The following LCT variants were observed in gnomAD, a reference collection of about 807,000 sequenced individuals.
LCT encodes lactase/phlorizin hydrolase.
A neutral mutation model predicts 173.0 loss-of-function variants in LCT; 90 were observed. That is an observed-to-expected ratio of 0.52 (90% CI 0.44 to 0.62). LCT has a LOEUF of 0.62. Among genes scored for constraint, LCT ranks in the 20% least tolerant of loss-of-function variants. LCT has a pLI of 0.00. For missense variants in LCT, 1,864 were observed against 2,431.4 expected, an observed-to-expected ratio of 0.77 and a Z score of 4.91; for synonymous variants, 853 against 957.6, an observed-to-expected ratio of 0.89 and a Z score of 2.02.
chr2:135,832,501 T>C (rs2077948803), intron 2 of LCT, among the ~76,000 whole-genome samples: 1 of 151,592 alleles, frequency 6.6e-6, no homozygotes, highest in South Asian at 2.1e-4. Context: ...TTTTTTTTTT[T>C]CAAGACAGGG....
rs376646025 is a variant in LCT, at chr2:135,809,245, C to A, written c.3102G>T (p.Glu1034Asp). Residue 1034 changes from glutamate to aspartate, a missense_variant, in exon 8 of 17, where the codon GAG (glutamate) becomes GAT (aspartate). Glu to Asp is a conservative substitution (Grantham distance 45, BLOSUM62 2). This residue lies in a region of LCT where 755 missense variants were observed against 926.3 expected (regional missense o/e 0.82). Coordinates refer to ENST00000264162, the MANE Select transcript of LCT (RefSeq NM_002299.4). This position sits in a 1 kb window ranked among gnomAD's most constrained non-coding sequence, Gnocchi z 5.5. ...PQALQDIGGW[E>D]NPALIDLFDS... ...CAAACAAGTCAATCAAGGCAGGATT[C>A]TCCCAGCCTCCGATATCCTGGAGGG... 6.2e-7 allele frequency: 1 copy of A among 1,614,202 alleles called. No individual in the cohort carries two copies. The highest frequency in any genetic ancestry group is 1.1e-5 in the South Asian group (1 of 91,084).
intron 5 of LCT, chr2:135,820,624 A>C (rs2874874): frequency 0.16 from 24,544 of 152,200 alleles, 2,417 homozygotes; most frequent in South Asian, 0.33. Flanking sequence ...ACAGGGCTGC[A>C]CTGGAAATAT....
chr2:135,794,455 C>T, intron 14 of LCT, 186 bp downstream of exon 14: 1 of 660,032 alleles, frequency 1.5e-6, no homozygotes, highest in Middle Eastern at 4.1e-4. Flanking sequence ...GAGACCCCGG[C>T]CTTCTCTCCC....
chr2:135,798,805 G>GT (rs200791641), intron 12 of LCT, among the ~76,000 whole-genome samples: 1,618 of 152,274 alleles, frequency 0.011, 26 homozygotes, highest in Middle Eastern at 0.058. Flanking sequence ...GGAATGTGGG[G>GT]TGAGGGCAGC....
intron 3 of LCT, among the ~76,000 whole-genome samples, chr2:135,825,760 TC>T (rs2077884270): frequency 6.6e-6 from 1 of 152,092 alleles, no homozygotes; most frequent in African/African-American, 2.4e-5. Flanking sequence ...GTGCAGGTGC[TC>T]CGGGGAGAGG....
At chr2:135,820,883 A>T (rs1248727044) in intron 5 of LCT, among the ~76,000 whole-genome samples, 1 of 145,108 alleles carries the variant, frequency 6.9e-6, no homozygotes, top group Non-Finnish European at 1.5e-5. Flanking sequence ...ACCTGCTCTA[A>T]TTTTTTTTTT....
chr2:135,802,424 G>A (rs2077634643), intron 11 of LCT, among the ~76,000 whole-genome samples: 1 of 152,168 alleles, frequency 6.6e-6, no homozygotes, highest in Admixed American at 6.5e-5. Context: ...TGTGTTTATT[G>A]CATCACTGTT....
At chr2:135,794,207 TA>T (rs762334046) in intron 14 of LCT, 92 of 159,078 alleles carry the variant, frequency 5.8e-4, no homozygotes, top group Non-Finnish European at 6.4e-4. Flanking sequence ...CTCTACTTCA[TA>T]AAAGCATTGT....
intron 5 of LCT, among the ~76,000 whole-genome samples, chr2:135,818,524 T>C (rs536543737): frequency 6.6e-6 from 1 of 152,370 alleles, no homozygotes; most frequent in Non-Finnish European, 1.5e-5. Context: ...ATCCTCATCC[T>C]ACACAGGAGG....
chr2:135,812,978 A>C, intron 6 of LCT, 22 bp from the exon 7 acceptor site: 1 of 1,608,426 alleles, frequency 6.2e-7, no homozygotes, highest in Non-Finnish European at 8.5e-7. Flanking sequence ...GTAAGAAGGA[A>C]ATACAGTGAT....
rs943961218 is a variant in LCT, at chr2:135,833,095, T to C, written c.720+16A>G. ...TCTCCTCAGATGTTACAGGTATATT[T>C]TTGGGCTGCTGTCACCTGGGCAAGC... On this transcript the variant is annotated intron_variant, in intron 2 of 16. Coordinates refer to ENST00000264162, the MANE Select transcript of LCT (RefSeq NM_002299.4). 6 of 1,594,898 alleles carry C rather than the reference T, an allele frequency of 3.8e-6. No individual in the cohort carries two copies. In the Admixed American group the frequency reaches 1.0e-4, roughly 27 times the overall value.
intron 3 of LCT, among the ~76,000 whole-genome samples, chr2:135,828,510 A>C (rs998509638): frequency 6.6e-6 from 1 of 152,146 alleles, no homozygotes; most frequent in South Asian, 2.1e-4. Context: ...ATGTGGGTGC[A>C]TACCAGTGGC....
chr2:135,836,002 ATATATATATATATG>A (rs1199668841), intron 1 of LCT, among the ~76,000 whole-genome samples: 309 of 26,432 alleles, frequency 0.012, 12 homozygotes, highest in Non-Finnish European at 0.027. Flanking sequence ...ATATATATAT[ATATATATATATATG>A]TATACATATT....
intron 16 of LCT, among the ~76,000 whole-genome samples, chr2:135,789,344 T>A (rs542677566): frequency 6.6e-6 from 1 of 152,340 alleles, no homozygotes; most frequent in East Asian, 1.9e-4. Context: ...ACCTGCTTAT[T>A]CCCAGGTCAG....
intron 8 of LCT, 40 bp downstream of exon 8, chr2:135,808,403 G>A (rs2077695003): frequency 1.3e-6 from 2 of 1,493,080 alleles, no homozygotes; most frequent in Non-Finnish European, 9.3e-7. Flanking sequence ...CCCAGGGAAT[G>A]TTGGAAGATT....
intron 6 of LCT, among the ~76,000 whole-genome samples, chr2:135,814,282 G>T (rs60253740): frequency 0.22 from 33,363 of 152,076 alleles, 4,159 homozygotes; most frequent in Middle Eastern, 0.41. Flanking sequence ...ATGGCAAACT[G>T]TGCTCCTTTC....
At chr2:135,796,020 C>G (rs1168736689) in intron 13 of LCT, among the ~76,000 whole-genome samples, 1 of 152,238 alleles carries the variant, frequency 6.6e-6, no homozygotes, top group Non-Finnish European at 1.5e-5. Context: ...CTCAGCCTCC[C>G]AAAGTGCTGA....
intron 11 of LCT, among the ~76,000 whole-genome samples, chr2:135,801,616 G>C (rs187757210): frequency 6.6e-6 from 1 of 151,898 alleles, no homozygotes; most frequent in Admixed American, 6.5e-5. Flanking sequence ...TCAGGAGGCT[G>C]AGGCAGGAGA....
At chr2:135,828,251 T>C (rs1356251804) in intron 3 of LCT, among the ~76,000 whole-genome samples, 1 of 152,100 alleles carries the variant, frequency 6.6e-6, no homozygotes, top group African/African-American at 2.4e-5. Context: ...TCTTAATCTC[T>C]TGATCTCATG....
Sources: allele counts gnomAD v4.1 joint callset (sites outside exome capture counted in the v4.1 genomes callset), GRCh38; gene constraint gnomAD v4.1.1; regional missense constraint gnomAD v4.1.1; non-coding constraint Gnocchi (gnomAD v3.1); transcripts MANE v1.5; gene names NCBI Gene and HGNC (gene_info 2026-07-23, HGNC 2026-07-21).